Variants in ADPRHL1 observed in about 807,000 individuals in gnomAD.
ADPRHL1 encodes the protein ADP-ribosylhydrolase like 1, also known as inactive ADP-ribosyltransferase ARH2.
Under a neutral mutation model 44.1 loss-of-function variants are expected in ADPRHL1, and 43 were observed. That is an observed-to-expected ratio of 0.98 (90% confidence interval 0.76 to 1.26). The LOEUF (loss-of-function observed/expected upper bound fraction) is 1.26, where lower values mean the gene tolerates loss of function less well. ADPRHL1 is among the 50% of genes most tolerant of loss of function. ADPRHL1 has a pLI of 0.00. For synonymous variants in ADPRHL1, 878 were observed against 1,017.4 expected (o/e 0.86, Z 2.61); for missense variants, 2,022 against 2,496.9 (o/e 0.81, Z 4.05).
At chr13:113,433,719 T>A (rs1250628108) in intron 3 of ADPRHL1, 23 bp downstream of exon 3, 14 of 1,528,022 alleles carry the variant, frequency 9.2e-6, no homozygotes, top group Non-Finnish European at 1.2e-5. Flanking sequence ...CTGACCTCCC[T>A]CCCACCCCCC....
chr13:113,406,275 C>A lies in ADPRHL1; in HGVS notation c.3007G>T (p.Ala1003Ser), dbSNP rs1008722998. The A allele has an allele frequency of 1.6e-6, 2 of 1,232,076 alleles. No individual in the cohort carries two copies. Among genetic ancestry groups the A allele is most frequent in the Non-Finnish European group, 2.0e-6 (2 of 987,974 alleles). The allele number at this position is 1,232,076 out of a possible 1,614,324, so 76.3% of individuals were successfully genotyped here. ...NEISMQKKGS[A>S]TNDPAASQNL... ...TGTGAGGCTGCAGGATCATTTGTTGCGGAGCCCTTCTTCTGCATTGATATT... is the reference window on the plus strand; with the variant it reads ...TGTGAGGCTGCAGGATCATTTGTTGAGGAGCCCTTCTTCTGCATTGATATT... Residue 1003 changes from alanine to serine, a missense_variant, in exon 8 of 8, where the codon GCA becomes TCA. Coordinates refer to ENST00000612156, the MANE Select transcript of ADPRHL1 (RefSeq NM_001394807.1).
chr13:113,429,778 G>T (rs545430873), intron 3 of ADPRHL1, among the ~76,000 whole-genome samples: 16 of 152,324 alleles, frequency 1.1e-4, no homozygotes, highest in African/African-American at 3.1e-4. Flanking sequence ...TCGCCCTGCT[G>T]GTGCTTGGGG....
intron 2 of ADPRHL1, among the ~76,000 whole-genome samples, chr13:113,442,945 C>G (rs750703285): frequency 6.6e-6 from 1 of 152,142 alleles, no homozygotes; most frequent in Non-Finnish European, 1.5e-5. Context: ...TTAACCTTTT[C>G]TTGGAAATGT....
intron 4 of ADPRHL1, 23 bp downstream of exon 4, chr13:113,428,929 C>T (rs1345674972): frequency 6.2e-7 from 1 of 1,611,564 alleles, no homozygotes; most frequent in Non-Finnish European, 8.5e-7. Context: ...TGAGTGCGGA[C>T]TGGGGCCGGG....
intron 2 of ADPRHL1, among the ~76,000 whole-genome samples, chr13:113,442,234 T>C (rs2044104486): frequency 6.6e-6 from 1 of 152,232 alleles, no homozygotes. Context: ...GCAGAAGGGT[T>C]GTTGAGGCCC....
At chr13:113,440,896 T>C (rs1435475142) in intron 2 of ADPRHL1, among the ~76,000 whole-genome samples, 1 of 152,182 alleles carries the variant, frequency 6.6e-6, no homozygotes, top group Non-Finnish European at 1.5e-5. Context: ...CTTATGCCTG[T>C]AATCCCAGCA....
chr13:113,424,184 C>T, intron 6 of ADPRHL1, 33 bp downstream of exon 6: 2 of 1,611,050 alleles, frequency 1.2e-6, no homozygotes, highest in Non-Finnish European at 1.7e-6. Context: ...GTGCTACCCT[C>T]CAGGAAGCCA....
intron 7 of ADPRHL1, among the ~76,000 whole-genome samples, chr13:113,415,603 T>G (rs981420275): frequency 4.6e-5 from 7 of 151,988 alleles, no homozygotes; most frequent in Non-Finnish European, 8.8e-5. Flanking sequence ...ACACAAAAAT[T>G]AGCTGGGCAC....
intron 5 of ADPRHL1, among the ~76,000 whole-genome samples, chr13:113,424,712 C>CATCCACT (rs2043952555): frequency 3.8e-3 from 1 of 262 alleles, no homozygotes; most frequent in Non-Finnish European, 7.8e-3. Context: ...ATCCATTTAC[C>CATCCACT]CACACATTTA....
At position 113,405,665 on chromosome 13, in the gene ADPRHL1, G is replaced by A. The variant is rs2043803125; in HGVS notation, c.3617C>T (p.Ala1206Val). The A allele has an allele frequency of 6.5e-6, 8 of 1,232,812 alleles. No homozygotes were observed. The East Asian group carries it at 9.5e-5, about 15-fold the overall frequency. 76.4% of individuals were successfully genotyped at this position (1,232,812 alleles called of 1,614,324 possible). A position where few individuals can be genotyped will look rare whatever the true frequency, so the allele number is the denominator to read the frequency against. ...VALVQHPEDI[A>V]TLARHPEDAA... ...ATCCTCCGGGTGGCGGGCGAGGGTC[G>A]CAATGTCCTCTGGGTGCTGGACGAG... Residue 1206 changes from alanine to valine, a missense_variant, in exon 8 of 8, where the codon GCG becomes GTG. Coordinates refer to ENST00000612156, the MANE Select transcript of ADPRHL1 (RefSeq NM_001394807.1).
At position 113,405,766 on chromosome 13, in the gene ADPRHL1, G is replaced by T; in HGVS notation, c.3516C>A (p.His1172Gln). The T allele has an allele frequency of 8.1e-7, 1 of 1,231,820 alleles. No individual in the cohort carries two copies. The highest frequency in any genetic ancestry group is 1.0e-6 in the Non-Finnish European group (1 of 988,020). 76.3% of individuals were successfully genotyped at this position (1,231,820 alleles called of 1,614,324 possible). A position where few individuals can be genotyped will look rare whatever the true frequency, so the allele number is the denominator to read the frequency against. ...GEALPRDPHS[H>Q]GLLAPGGSLE... ...AGGATCCCCCAGGGGCCAGGAGGCCGTGGCTGTGAGGGTCTCGAGGGAGAG... is the reference window on the plus strand; with the variant it reads ...AGGATCCCCCAGGGGCCAGGAGGCCTTGGCTGTGAGGGTCTCGAGGGAGAG... The change falls in exon 8 of 8, where the codon CAC becomes CAA. Residue 1172 changes from histidine (H) to glutamine (Q), a missense_variant. This residue lies in a region of ADPRHL1 where 1,221 missense variants were observed against 1,517.8 expected (regional missense o/e 0.80). Coordinates refer to ENST00000612156, the MANE Select transcript of ADPRHL1 (RefSeq NM_001394807.1).
rs1405902067 is a variant in ADPRHL1 at position 113,405,084 on chromosome 13, C to T, written c.4198G>A (p.Ala1400Thr). The change falls in exon 8 of 8, where the codon GCG becomes ACG. Residue 1400 changes from alanine to threonine, a missense_variant. Physicochemically the swap from Ala to Thr is moderately conservative, Grantham distance 58. This residue lies in a region of ADPRHL1 where 1,221 missense variants were observed against 1,517.8 expected (regional missense o/e 0.80). Transcript: ENST00000612156. The part of the protein sequence containing the change: ...PQPGDAGKRV[A>T]PSGSKVVLNP... The stretch of plus-strand genomic sequence containing the variant: ...AGCACAACCTTCGAGCCCGACGGCG[C>T]CACCCTCTTCCCCGCATCCCCGGGC... 1 of 1,232,268 alleles carries T rather than the reference C, an allele frequency of 8.1e-7. No homozygotes were observed. The highest frequency in any genetic ancestry group is 4.2e-5 in the Admixed American group (1 of 23,730). The allele number at this position is 1,232,268 out of a possible 1,614,324, so 76.3% of individuals were successfully genotyped here. A position where few individuals can be genotyped will look rare whatever the true frequency, so the allele number is the denominator to read the frequency against.
intron 6 of ADPRHL1, 30 bp from the exon 7 acceptor site, chr13:113,423,009 G>T (rs2043938100): frequency 1.2e-6 from 2 of 1,612,004 alleles, no homozygotes; most frequent in Non-Finnish European, 1.7e-6. Context: ...GTTGCAGTGG[G>T]CTCCACCTGA....
rs140383853 is a variant in ADPRHL1 at position 113,423,992 on chromosome 13, G to C, written c.907+225C>G. ...GAGCTCACAGCAGGCACCTGCAGCT[G>C]CACCTGTATCCTGTAATGTCCTCAC... On this transcript the variant is annotated intron_variant, in intron 6 of 7. Coordinates refer to ENST00000612156, the MANE Select transcript of ADPRHL1 (RefSeq NM_001394807.1). Among the ~76,000 whole-genome samples, 33 of 152,342 alleles carry C rather than the reference G, an allele frequency of 2.2e-4. No homozygotes were observed. The East Asian group carries it at 6.4e-3, about 29-fold the overall frequency.
Position 113,444,919 on chromosome 13 carries a change from A to G in ADPRHL1, c.215-330T>C, listed in dbSNP as rs373487854. Among the ~76,000 whole-genome samples, 172 of 152,272 alleles carry G rather than the reference A, an allele frequency of 1.1e-3. 1 individual carries two copies. Among genetic ancestry groups the G allele is most frequent in the Middle Eastern group, 6.8e-3 (2 of 294 alleles). The stretch of plus-strand genomic sequence containing the variant: ...ATTACAGGCGTGAGCCACTGCACCC[A>G]GCCCCACCGTGCCCCTTTTCTAATG... On this transcript the variant is annotated intron_variant, in intron 1 of 7. Transcript: ENST00000612156.
intron 3 of ADPRHL1, among the ~76,000 whole-genome samples, chr13:113,432,524 C>T (rs1368421722): frequency 6.6e-6 from 1 of 152,370 alleles, no homozygotes; most frequent in African/African-American, 2.4e-5. Context: ...CAGCATCTGA[C>T]TCTGGCCCAC....
In ADPRHL1 at chr13:113,405,223, G is replaced by T. The variant is rs908624893; in HGVS notation, c.4059C>A (p.Leu1353=). 5 of 1,231,772 alleles carry T rather than the reference G, an allele frequency of 4.1e-6. No homozygotes were observed. Among genetic ancestry groups the T allele is most frequent in the Non-Finnish European group, 4.0e-6 (4 of 988,080 alleles). 76.3% of individuals were successfully genotyped at this position (1,231,772 alleles called of 1,614,324 possible). A position where few individuals can be genotyped will look rare whatever the true frequency, so the allele number is the denominator to read the frequency against. ...PPTAGDTQAK[L]RASVPEPRTQ... is the part of the protein sequence containing the mutation. ...TCCTAGGCTCGGGGACACTGGCCCG[G>T]AGCTTTGCCTGTGTGTCACCAGCAG... The change falls in exon 8 of 8, where the codon CTC becomes CTA. Residue 1353 remains leucine (L), a synonymous_variant. Coordinates refer to ENST00000612156, the MANE Select transcript of ADPRHL1 (RefSeq NM_001394807.1).
intron 2 of ADPRHL1, among the ~76,000 whole-genome samples, chr13:113,440,066 T>G (rs2044086881): frequency 6.6e-6 from 1 of 152,230 alleles, no homozygotes; most frequent in South Asian, 2.1e-4. Context: ...TTTTTCTGTT[T>G]TCAATCATTG....
Position 113,441,219 on chromosome 13 carries a change from T to C in ADPRHL1, c.379+3206A>G, listed in dbSNP as rs139623697. Among the ~76,000 whole-genome samples, 42 of 152,346 alleles carry C rather than the reference T, an allele frequency of 2.8e-4. No homozygotes were observed. Among genetic ancestry groups the C allele is most frequent in the Non-Finnish European group, 2.6e-4 (18 of 68,030 alleles). On this transcript the variant is annotated intron_variant, in intron 2 of 7. Transcript: ENST00000612156. The surrounding 1 kb of genome is among the most constrained non-coding windows in gnomAD (Gnocchi z 6.0). Reference sequence around the variant, plus strand: ...GGCTGGGACCTGCTTCTTTATCTAATGTGACAACTTCTGACTGTTATTGGG... The same window carrying C: ...GGCTGGGACCTGCTTCTTTATCTAACGTGACAACTTCTGACTGTTATTGGG...
Sources: gnomAD v4.1 joint callset for allele counts (sites outside exome capture counted in the v4.1 genomes callset) on GRCh38, gnomAD v4.1.1 for gene constraint, gnomAD v4.1.1 regional missense constraint, Gnocchi (gnomAD v3.1) non-coding constraint, MANE v1.5 for transcripts, NCBI Gene and HGNC (gene_info 2026-07-23, HGNC 2026-07-21) for gene names.